The following DMD variants were observed in gnomAD, a reference collection of about 807,000 sequenced individuals.
The protein encoded by DMD is dystrophin, also known as mutant dystrophin.
DMD carries 63 observed loss-of-function variants against 330.1 expected under a neutral mutation model. The ratio of observed to expected loss-of-function variants is 0.19; its 90% CI spans 0.16 to 0.24. DMD has a LOEUF of 0.24. Ranked by LOEUF, DMD falls within the 10% of genes least tolerant of loss-of-function variation. DMD has a pLI of 1.00. For missense variants in DMD, 3,344 were observed against 2,684.1 expected (o/e 1.25, Z -5.43); for synonymous variants, 1,223 against 959.8 (o/e 1.27, Z -5.07).
chrX:33,079,402 A>G lies in DMD; in HGVS notation c.32-59202T>C, dbSNP rs146965184. On this transcript the variant is annotated intron_variant, in intron 1 of 78. Coordinates refer to ENST00000357033, the MANE Select transcript of DMD (RefSeq NM_004006.3). ...TAGAGTAGCCAGAGTTAAAGACACA[A>G]TCGACAAGGAAATTTGTTACCTCTG... is the stretch of plus-strand genomic sequence containing the variant. Among the ~76,000 whole-genome samples the G allele has an allele frequency of 8.8e-4, 98 of 111,923 alleles. No homozygotes were observed. In the East Asian group the frequency reaches 0.025, roughly 28 times the overall value.
chrX:31,944,291 G>A (rs1353065210), intron 45 of DMD, among the ~76,000 whole-genome samples: 2 of 111,638 alleles, frequency 1.8e-5, no homozygotes, highest in Non-Finnish European at 3.8e-5. Context: ...TGCAGAAACA[G>A]ATATAAGAAC....
rs768761953 is a variant in DMD, at chrX:32,551,286, C to T, written c.1993-5952G>A. Among the ~76,000 whole-genome samples, 97 of 111,504 alleles carry T rather than the reference C, an allele frequency of 8.7e-4. 1 individual carries two copies. The highest frequency in any genetic ancestry group is 3.0e-3 in the African/African-American group (91 of 30,730). ...AGCAGCACATCAAAAAGCTAATCCA[C>T]CATGATCAAGGAGCTTCTATCCCAG... On this transcript the variant is annotated intron_variant, in intron 16 of 78. Coordinates refer to ENST00000357033, the MANE Select transcript of DMD (RefSeq NM_004006.3).
In DMD at chrX:32,240,969, A is replaced by G. The variant is rs768376208; in HGVS notation, c.6291-23906T>C. Among the ~76,000 whole-genome samples, 7 of 111,733 alleles carry G rather than the reference A, an allele frequency of 6.3e-5. No homozygotes were observed. In the South Asian group the frequency reaches 1.9e-3, roughly 30 times the overall value. On this transcript the variant is annotated intron_variant, in intron 43 of 78. Coordinates refer to ENST00000357033, the MANE Select transcript of DMD (RefSeq NM_004006.3). ...CTAAAACACCTAGCGTCTTCAATCC[A>G]CAAGTTTTTCTGGGATCCTGAAAAA...
chrX:32,858,259 C>T (rs753358621), intron 2 of DMD, among the ~76,000 whole-genome samples: 23 of 112,271 alleles, frequency 2.0e-4, no homozygotes, highest in African/African-American at 7.4e-4. Context: ...AAAGCATATA[C>T]TTTATGCTAA....
intron 40 of DMD, 152 bp from the exon 41 acceptor site, chrX:32,342,434 T>A (rs1360705299): frequency 1.8e-6 from 1 of 543,658 alleles, no homozygotes; most frequent in Non-Finnish European, 2.9e-6. Context: ...ATGACTGTCA[T>A]CCTCGCTCAA....
chrX:32,838,455 T>C (rs1329649269), intron 4 of DMD, among the ~76,000 whole-genome samples: 1 of 111,072 alleles, frequency 9.0e-6, no homozygotes, highest in Non-Finnish European at 1.9e-5. Context: ...GTCCATATGT[T>C]CTCATTGTTC....
intron 55 of DMD, among the ~76,000 whole-genome samples, chrX:31,563,224 C>A (rs1168971413): frequency 1.8e-5 from 2 of 110,880 alleles, no homozygotes; most frequent in African/African-American, 6.6e-5. Flanking sequence ...ACCACCACGC[C>A]CAGCTAATTT....
intron 4 of DMD, among the ~76,000 whole-genome samples, chrX:32,838,915 C>G (rs1380620810): frequency 1.8e-5 from 2 of 111,971 alleles, no homozygotes; most frequent in Non-Finnish European, 3.8e-5. Flanking sequence ...CCCAGCAATC[C>G]TGTTACTGGG....
At chrX:33,231,790 T>C (rs1260646195) in intron 1 of DMD, among the ~76,000 whole-genome samples, 5 of 111,613 alleles carry the variant, frequency 4.5e-5, no homozygotes, top group African/African-American at 1.6e-4. Context: ...GTTAGAGATA[T>C]AAGCTGCCAT....
chrX:32,192,389 C>G (rs953060919), intron 44 of DMD, among the ~76,000 whole-genome samples: 8 of 111,568 alleles, frequency 7.2e-5, no homozygotes, highest in African/African-American at 9.8e-5. Flanking sequence ...GAATGGCTAA[C>G]CACATCTCTC....
chrX:32,698,057 C>T lies in DMD; in HGVS notation c.832-59G>A, dbSNP rs143471240. On this transcript the variant is annotated intron_variant, in intron 8 of 78. Coordinates refer to ENST00000357033, the MANE Select transcript of DMD (RefSeq NM_004006.3). ...GGAGGGGGAAAAACCATAAGTAACC[C>T]GAAAGGACTACTTTCCAACATGGTA... 1,296 of 1,103,905 alleles carry T rather than the reference C, an allele frequency of 1.2e-3. 13 individuals are homozygous for T. In the African/African-American group the frequency reaches 0.021, roughly 18 times the overall value. The allele number at this position is 1,103,905 out of a possible 1,213,427, so 91.0% of individuals were successfully genotyped here.
At chrX:31,636,548 G>T (rs947245124) in intron 54 of DMD, among the ~76,000 whole-genome samples, 7 of 111,117 alleles carry the variant, frequency 6.3e-5, no homozygotes, top group Admixed American at 9.6e-5. Context: ...TTTCAGGGAA[G>T]CTGGGTGAGT....
intron 2 of DMD, among the ~76,000 whole-genome samples, chrX:32,901,748 T>C (rs1413423358): frequency 9.0e-6 from 1 of 110,860 alleles, no homozygotes; most frequent in Non-Finnish European, 1.9e-5. Context: ...TAGAAAATTA[T>C]AAAATAGAAA....
chrX:31,855,601 G>A (rs1233729346), intron 48 of DMD, among the ~76,000 whole-genome samples: 1 of 111,740 alleles, frequency 8.9e-6, no homozygotes, highest in East Asian at 2.8e-4. Flanking sequence ...AATTAAAGAT[G>A]TTTTGTTTTT....
At chrX:31,444,152 A>G (rs1044241979) in intron 60 of DMD, among the ~76,000 whole-genome samples, 17 of 110,484 alleles carry the variant, frequency 1.5e-4, no homozygotes, top group African/African-American at 5.6e-4. Flanking sequence ...AAGCAGCCTG[A>G]CGCCCTCGCC....
intron 9 of DMD, among the ~76,000 whole-genome samples, chrX:32,687,727 A>C (rs6631621): frequency 0.11 from 11,982 of 111,001 alleles, 1,522 homozygotes; most frequent in African/African-American, 0.36. Flanking sequence ...CCCATCTGAG[A>C]CCCAGAATCA....
intron 74 of DMD, among the ~76,000 whole-genome samples, chrX:31,160,921 C>T (rs113672344): frequency 3.6e-5 from 4 of 111,557 alleles, no homozygotes; most frequent in African/African-American, 1.3e-4. Context: ...CCAATAATCA[C>T]TTCAAGTGTA....
intron 2 of DMD, among the ~76,000 whole-genome samples, chrX:32,850,567 G>A (rs2081056316): frequency 8.9e-6 from 1 of 111,931 alleles, no homozygotes; most frequent in African/African-American, 3.2e-5. Context: ...TGTAAGATGA[G>A]TATGTGGCTC....
intron 12 of DMD, among the ~76,000 whole-genome samples, chrX:32,613,761 T>C (rs2057354292): frequency 9.0e-6 from 1 of 111,628 alleles, no homozygotes; most frequent in African/African-American, 3.2e-5. Context: ...TGATTTCTTT[T>C]CCAAATACGA....
Sources: gnomAD v4.1 joint callset for allele counts (sites outside exome capture counted in the v4.1 genomes callset) on GRCh38, gnomAD v4.1.1 for gene constraint, MANE v1.5 for transcripts, NCBI Gene and HGNC (gene_info 2026-07-23, HGNC 2026-07-21) for gene names.